LCMT1: variants seen among roughly 807,000 people sequenced by gnomAD.
LCMT1 encodes the protein leucine carboxyl methyltransferase 1.
LCMT1 carries 32 observed loss-of-function variants against 47.7 expected under a neutral mutation model. That is an observed-to-expected ratio of 0.67 (90% CI 0.51 to 0.90). The LOEUF (loss-of-function observed/expected upper bound fraction) is 0.90, where lower values mean the gene tolerates loss of function less well. Among genes scored for constraint, LCMT1 ranks in the 40% least tolerant of loss-of-function variants. LCMT1 has a pLI of 0.00. For missense variants in LCMT1, 375 were observed against 415.2 expected (o/e 0.90, Z 0.84); for synonymous variants, 152 against 149.7 (o/e 1.02, Z -0.11).
intron 4 of LCMT1, among the ~76,000 whole-genome samples, chr16:25,150,572 G>A (rs778820497): frequency 2.0e-5 from 3 of 151,934 alleles, no homozygotes; most frequent in Admixed American, 6.6e-5. Context: ...TTGAACTCCC[G>A]ACCTCAGGTG....
chr16:25,154,596 C>G (rs1318709477), intron 5 of LCMT1, among the ~76,000 whole-genome samples: 1 of 150,826 alleles, frequency 6.6e-6, no homozygotes, highest in Non-Finnish European at 1.5e-5. Flanking sequence ...ATGCCATTCT[C>G]CTGCCTCAGC....
chr16:25,133,511 G>T (rs1244694526), intron 3 of LCMT1, among the ~76,000 whole-genome samples: 2 of 143,088 alleles, frequency 1.4e-5, no homozygotes, highest in Non-Finnish European at 3.0e-5. Flanking sequence ...CGATTCTCCT[G>T]CCTTAGCCTC....
intron 5 of LCMT1, 70 bp downstream of exon 5, chr16:25,151,685 G>GAT: frequency 1.1e-6 from 1 of 927,746 alleles, no homozygotes. Flanking sequence ...TTGAAGATGG[G>GAT]GTTTGTGTTG....
intron 5 of LCMT1, among the ~76,000 whole-genome samples, chr16:25,157,268 G>A (rs1961287953): frequency 1.3e-5 from 2 of 151,952 alleles, no homozygotes; most frequent in Non-Finnish European, 2.9e-5. Flanking sequence ...TTTAAGACTG[G>A]CTTGGTGGCT....
intron 1 of LCMT1, among the ~76,000 whole-genome samples, chr16:25,116,583 C>G (rs1959792020): frequency 6.6e-6 from 1 of 152,014 alleles, no homozygotes; most frequent in Non-Finnish European, 1.5e-5. Context: ...GTCAGTGCCA[C>G]TCTTCTCTTT....
intron 5 of LCMT1, among the ~76,000 whole-genome samples, chr16:25,153,606 A>G (rs1961145255): frequency 6.6e-6 from 1 of 152,284 alleles, no homozygotes; most frequent in Non-Finnish European, 1.5e-5. Flanking sequence ...CTTCGGAGGG[A>G]CACATTCAAA....
At chr16:25,130,321 C>A (rs1597569325) in intron 2 of LCMT1, among the ~76,000 whole-genome samples, 1 of 124,920 alleles carries the variant, frequency 8.0e-6, no homozygotes, top group Non-Finnish European at 1.6e-5. Context: ...GTCTGGGCGA[C>A]AGAGCAATAC....
chr16:25,129,379 CA>C lies in LCMT1; in HGVS notation c.205+821del, dbSNP rs529682171. 6.8e-3 allele frequency among the ~76,000 whole-genome samples: 1,030 copies of C among 151,284 alleles called. 4 individuals carry two copies. The highest frequency in any genetic ancestry group is 9.9e-3 in the Non-Finnish European group (672 of 67,808). ...GAAATTTTATTAAATTTAATGAATT[CA>C]AAAAAAAGTATTAATCTTCTTTAAT... On this transcript the variant is annotated intron_variant, in intron 2 of 10. Coordinates refer to ENST00000399069, the MANE Select transcript of LCMT1 (RefSeq NM_016309.3).
chr16:25,139,499 G>A lies in LCMT1; in HGVS notation c.328-672G>A, dbSNP rs142374379. Among the ~76,000 whole-genome samples the A allele has an allele frequency of 7.8e-3, 1,176 of 151,624 alleles. 17 individuals carry two copies. The highest frequency in any genetic ancestry group is 0.027 in the African/African-American group (1,133 of 41,296). Reference sequence around the variant, plus strand: ...CACTCCAGCCTGGGTGACAGAGTGAGACTCCGTCTCAAAAAAAGAAAAAAA... The same window carrying A: ...CACTCCAGCCTGGGTGACAGAGTGAAACTCCGTCTCAAAAAAAGAAAAAAA... On this transcript the variant is annotated intron_variant, in intron 3 of 10. Transcript: ENST00000399069.
chr16:25,118,264 G>A (rs1017258648), intron 1 of LCMT1, among the ~76,000 whole-genome samples: 8 of 151,796 alleles, frequency 5.3e-5, no homozygotes, highest in East Asian at 3.9e-4. Context: ...TCCCTCCCCC[G>A]TCACCGCCAT....
chr16:25,115,085 G>A (rs188969920), intron 1 of LCMT1, among the ~76,000 whole-genome samples: 3 of 152,142 alleles, frequency 2.0e-5, no homozygotes, highest in South Asian at 2.1e-4. Context: ...CATTCCCACC[G>A]TGACACCCTG....
intron 8 of LCMT1, among the ~76,000 whole-genome samples, chr16:25,169,756 C>CG (rs1961696435): frequency 2.8e-5 from 4 of 141,988 alleles, no homozygotes; most frequent in Non-Finnish European, 6.2e-5. Context: ...GTTTAAAAAA[C>CG]CTTTTTTTTA....
At position 25,130,339 on chromosome 16, in the gene LCMT1, C is replaced by CA. The variant is rs58937394; in HGVS notation, c.205+1792dup. Among the ~76,000 whole-genome samples the CA allele has an allele frequency of 3.6e-3, 460 of 128,966 alleles. 1 individual carries two copies. Among genetic ancestry groups the CA allele is most frequent in the South Asian group, 7.9e-3 (31 of 3,904 alleles). The allele number at this position is 128,966 out of a possible 152,430, so 84.6% of individuals were successfully genotyped here. A position where few individuals can be genotyped will look rare whatever the true frequency, so the allele number is the denominator to read the frequency against. On this transcript the variant is annotated intron_variant, in intron 2 of 10. Transcript: ENST00000399069. ...TGGGCGACAGAGCAATACTCCATCTCAAAAAAAAAAAAAAAAAAATTCTTC... is the reference window on the plus strand; with the variant it reads ...TGGGCGACAGAGCAATACTCCATCTCAAAAAAAAAAAAAAAAAAAATTCTTC...
Position 25,178,199 on chromosome 16 carries a change from C to T in LCMT1, c.*176C>T, listed in dbSNP as rs914734352. The T allele has an allele frequency of 1.9e-5, 11 of 592,844 alleles. No homozygotes were observed. The highest frequency in any genetic ancestry group is 2.8e-4 in the Middle Eastern group (1 of 3,598). 36.7% of individuals were successfully genotyped at this position (592,844 alleles called of 1,614,324 possible). ...CCTCTTCCTGTTCCTGTTGACATGT[C>T]GTTGTTTAAATAAATCTCACTTGCC... is the stretch of plus-strand genomic sequence containing the variant. On this transcript the variant is annotated 3_prime_UTR_variant, in exon 11 of 11. Coordinates refer to ENST00000399069, the MANE Select transcript of LCMT1 (RefSeq NM_016309.3).
intron 1 of LCMT1, 41 bp downstream of exon 1, chr16:25,112,037 G>C: frequency 7.2e-7 from 1 of 1,384,746 alleles, no homozygotes; most frequent in East Asian, 2.3e-5. Flanking sequence ...CATCTGGGGC[G>C]CGGGCCTAGG....
chr16:25,132,618 T>C (rs1055466740), intron 3 of LCMT1, 95 bp downstream of exon 3: 11 of 1,382,256 alleles, frequency 8.0e-6, no homozygotes, highest in East Asian at 4.9e-5. Context: ...TTAAAAGTTA[T>C]GCAGCGAAAG....
intron 5 of LCMT1, among the ~76,000 whole-genome samples, 178 bp from the exon 6 acceptor site, chr16:25,160,924 A>G (rs969062090): frequency 2.0e-5 from 3 of 152,244 alleles, no homozygotes; most frequent in African/African-American, 7.2e-5. Flanking sequence ...GTTACACACC[A>G]AAACACGAAT....
At chr16:25,137,254 G>A (rs1409945882) in intron 3 of LCMT1, among the ~76,000 whole-genome samples, 6 of 151,912 alleles carry the variant, frequency 3.9e-5, no homozygotes, top group Non-Finnish European at 7.4e-5. Flanking sequence ...GGCTGGTCTC[G>A]AACTCCTGAC....
intron 5 of LCMT1, among the ~76,000 whole-genome samples, chr16:25,157,323 C>T (rs1454047374): frequency 1.3e-5 from 2 of 152,170 alleles, no homozygotes; most frequent in East Asian, 1.9e-4. Context: ...GCAGGAGGAT[C>T]CCTTGAGCCC....
Sources: allele counts gnomAD v4.1 joint callset (sites outside exome capture counted in the v4.1 genomes callset), GRCh38; gene constraint gnomAD v4.1.1; transcripts MANE v1.5; gene names NCBI Gene and HGNC (gene_info 2026-07-23, HGNC 2026-07-21).